Variants in COL6A2 observed in about 807,000 individuals in gnomAD.
COL6A2 encodes collagen type VI alpha 2 chain.
In COL6A2, 90 loss-of-function variants were observed where a neutral mutation model predicts 124.9. The ratio of observed to expected loss-of-function variants is 0.72; its 90% CI spans 0.61 to 0.86. COL6A2 has a LOEUF of 0.86. Among genes scored for constraint, COL6A2 ranks in the 40% least tolerant of loss-of-function variants. COL6A2 has a pLI of 0.00. For synonymous variants in COL6A2, 793 were observed against 618.2 expected, an observed-to-expected ratio of 1.28 and a Z score of -4.19; for missense variants, 1,607 against 1,502.5, an observed-to-expected ratio of 1.07 and a Z score of -1.15.
rs548453754 is a variant in COL6A2 at position 46,127,882 on chromosome 21, C to T, written c.2461+1341C>T. ...CATTGTAGTTGGGAGTTAGTTAGCC[C>T]GTTGAGCGTCATTGAATTTCCAGTG... On this transcript the variant is annotated intron_variant, in intron 27 of 27. Transcript: ENST00000300527. Among the ~76,000 whole-genome samples, 19 of 152,264 alleles carry T rather than the reference C, an allele frequency of 1.2e-4. 1 individual carries two copies. In the East Asian group the frequency reaches 2.3e-3, roughly 19 times the overall value.
chr21:46,112,141 G>C lies in COL6A2; in HGVS notation c.278G>C (p.Ser93Thr). ...NEFYLDQVAL[S>T]WRYGGLHFSD... Reference sequence around the variant, plus strand: ...TTCTACCTGGACCAGGTGGCGCTGAGCTGGCGCTACGGCGGCCTGCACTTC... The same window carrying C: ...TTCTACCTGGACCAGGTGGCGCTGACCTGGCGCTACGGCGGCCTGCACTTC... Residue 93 changes from serine to threonine, a missense_variant, in exon 3 of 28, where the codon AGC (serine) becomes ACC (threonine). Coordinates refer to ENST00000300527, the MANE Select transcript of COL6A2 (RefSeq NM_001849.4). The C allele has an allele frequency of 6.2e-7, 1 of 1,613,180 alleles. No homozygotes were observed.
chr21:46,124,609 C>T, intron 21 of COL6A2, 42 bp from the exon 22 acceptor site: 2 of 1,599,564 alleles, frequency 1.3e-6, no homozygotes, highest in Non-Finnish European at 1.7e-6. Flanking sequence ...CAGGGACTGT[C>T]CCTGGGGCCA....
At chr21:46,107,738 C>G (rs1182547342) in intron 1 of COL6A2, among the ~76,000 whole-genome samples, 1 of 152,200 alleles carries the variant, frequency 6.6e-6, no homozygotes, top group African/African-American at 2.4e-5. Flanking sequence ...CAATTGTCAA[C>G]CAGAAAATGT....
intron 12 of COL6A2, among the ~76,000 whole-genome samples, 193 bp downstream of exon 12, chr21:46,118,129 C>T (rs952093249): frequency 1.3e-5 from 2 of 152,024 alleles, no homozygotes; most frequent in East Asian, 1.9e-4. Flanking sequence ...AGGGCTTGGG[C>T]GGCCCCGCCG....
At chr21:46,101,912 TAG>T (rs2078292047) in intron 1 of COL6A2, among the ~76,000 whole-genome samples, 1 of 138,036 alleles carries the variant, frequency 7.2e-6, no homozygotes. Flanking sequence ...ATCTAAATTT[TAG>T]GATTTATTCA....
In COL6A2 at chr21:46,132,320, CCTT is replaced by C. The variant is rs769426922; in HGVS notation, c.2830_2832del (p.Phe944del). Reference sequence around the variant, plus strand: ...GGGGCCCGGAGGCACGCAGAGCTGTCCTTCGTGTTCCTCACGGACGGCGTCACG... The same window carrying C: ...GGGGCCCGGAGGCACGCAGAGCTGTCCGTGTTCCTCACGGACGGCGTCACG... On this transcript the variant is annotated inframe_deletion, in exon 28 of 28. Coordinates refer to ENST00000300527, the MANE Select transcript of COL6A2 (RefSeq NM_001849.4). 4 of 1,607,356 alleles carry C rather than the reference CCTT, an allele frequency of 2.5e-6. No homozygotes were observed. The highest frequency in any genetic ancestry group is 3.4e-6 in the Non-Finnish European group (4 of 1,179,528).
intron 21 of COL6A2, among the ~76,000 whole-genome samples, chr21:46,123,291 C>G (rs1205643455): frequency 6.7e-6 from 1 of 150,298 alleles, no homozygotes; most frequent in East Asian, 2.0e-4. Context: ...ACATAGCATC[C>G]CCTCCAGAGT....
chr21:46,117,649 T>G, intron 11 of COL6A2, 196 bp downstream of exon 11: 2 of 739,978 alleles, frequency 2.7e-6, no homozygotes, highest in Non-Finnish European at 4.6e-6. Context: ...TCCTGGCGGA[T>G]CCCCGTGGCC....
At chr21:46,100,747 G>C (rs116817109) in intron 1 of COL6A2, among the ~76,000 whole-genome samples, 4 of 152,132 alleles carry the variant, frequency 2.6e-5, no homozygotes, top group African/African-American at 9.7e-5. Context: ...CCTTTGTAAG[G>C]CTGAGCAGTA....
rs181059311 is a variant in COL6A2 at position 46,122,054 on chromosome 21, C to T, written c.1522-54C>T. The T allele has an allele frequency of 1.1e-5, 18 of 1,592,982 alleles. No individual in the cohort carries two copies. In the East Asian group the frequency reaches 3.4e-4, roughly 30 times the overall value. On this transcript the variant is annotated intron_variant, in intron 18 of 27. Coordinates refer to ENST00000300527, the MANE Select transcript of COL6A2 (RefSeq NM_001849.4). ...CCTTGCGCCCTGTTGAGCACAGCCC[C>T]CCAGCCCCACCCCGTCCTATGACCA... is the stretch of plus-strand genomic sequence containing the variant.
intron 18 of COL6A2, 88 bp downstream of exon 18, chr21:46,121,706 T>G (rs2078569513): frequency 1.5e-6 from 2 of 1,350,202 alleles, no homozygotes; most frequent in Non-Finnish European, 2.1e-6. Context: ...GGGGACCCTG[T>G]TGCCGGCAGA....
rs373369963 is a variant in COL6A2, at chr21:46,125,775, C to T, written c.1970-10C>T. ...GCCTCTGGCAACGACCTCACGCGTGCGGCTTGCAGGGACGCGTGTGGGCGT... is the reference window on the plus strand; with the variant it reads ...GCCTCTGGCAACGACCTCACGCGTGTGGCTTGCAGGGACGCGTGTGGGCGT... On this transcript the variant is annotated splice_polypyrimidine_tract_variant and intron_variant, in intron 25 of 27. Coordinates refer to ENST00000300527, the MANE Select transcript of COL6A2 (RefSeq NM_001849.4). The T allele has an allele frequency of 2.7e-4, 428 of 1,610,586 alleles. No individual in the cohort carries two copies. Among genetic ancestry groups the T allele is most frequent in the East Asian group, 5.6e-4 (25 of 44,804 alleles).
intron 27 of COL6A2, among the ~76,000 whole-genome samples, chr21:46,130,139 A>C (rs1024957194): frequency 9.9e-5 from 15 of 152,134 alleles, no homozygotes; most frequent in African/African-American, 2.4e-4. Context: ...CAGTCCTGGC[A>C]CCATGACGTA....
rs1319567721 is a variant in COL6A2 at position 46,124,545 on chromosome 21, CCCCG to C, written c.1672-103_1672-100del. ...ACTCCTTGCACCTGTTAGCCCCCCC[CCCCG>C]CCAAGGGAGGACCCGTGGTTGGGGA... On this transcript the variant is annotated intron_variant, in intron 21 of 27. Coordinates refer to ENST00000300527, the MANE Select transcript of COL6A2 (RefSeq NM_001849.4). 3.0e-6 allele frequency: 3 copies of C among 995,148 alleles called. No individual in the cohort carries two copies. In the East Asian group the frequency reaches 7.2e-5, roughly 24 times the overall value. 61.6% of individuals were successfully genotyped at this position (995,148 alleles called of 1,614,324 possible). A position where few individuals can be genotyped will look rare whatever the true frequency, so the allele number is the denominator to read the frequency against.
intron 1 of COL6A2, among the ~76,000 whole-genome samples, chr21:46,110,190 G>C (rs2078379995): frequency 6.6e-6 from 1 of 152,184 alleles, no homozygotes; most frequent in South Asian, 2.1e-4. Flanking sequence ...GGCCCCCAGG[G>C]AGGCAGTCTG....
chr21:46,120,068 A>C (rs2078536215), intron 15 of COL6A2, among the ~76,000 whole-genome samples: 1 of 84,254 alleles, frequency 1.2e-5, no homozygotes, highest in African/African-American at 3.4e-5. Context: ...CACCCCGCAC[A>C]GCTGTGCAGG....
At chr21:46,123,273 C>T (rs1370967299) in intron 21 of COL6A2, among the ~76,000 whole-genome samples, 3 of 145,688 alleles carry the variant, frequency 2.1e-5, no homozygotes, top group South Asian at 2.3e-4. Flanking sequence ...CCCTCCCCAG[C>T]GACCCCAACA....
chr21:46,130,542 A>G (rs1394072201), intron 27 of COL6A2, among the ~76,000 whole-genome samples: 1 of 151,894 alleles, frequency 6.6e-6, no homozygotes, highest in East Asian at 1.9e-4. Context: ...AGGATCCTCC[A>G]CAGGAGGAGG....
At chr21:46,122,386 A>C in intron 19 of COL6A2, 110 bp from the exon 20 acceptor site, 1 of 1,451,474 alleles carries the variant, frequency 6.9e-7, no homozygotes, top group Non-Finnish European at 9.7e-7. Context: ...GGCCTCACCC[A>C]GAGTGTGAAT....
Sources: gnomAD v4.1 joint callset for allele counts (sites outside exome capture counted in the v4.1 genomes callset) on GRCh38, gnomAD v4.1.1 for gene constraint, MANE v1.5 for transcripts, NCBI Gene and HGNC (gene_info 2026-07-23, HGNC 2026-07-21) for gene names.